GNAL: variants seen among roughly 807,000 people sequenced by gnomAD.
GNAL encodes the protein G protein subunit alpha L.
In GNAL, 18 loss-of-function variants were observed where a neutral mutation model predicts 55.1. The ratio of observed to expected loss-of-function variants is 0.33; its 90% CI spans 0.23 to 0.48. The LOEUF (loss-of-function observed/expected upper bound fraction) is 0.48. GNAL is among the 20% of genes least tolerant of loss of function. GNAL has a pLI of 0.99. For missense variants in GNAL, 412 were observed against 614.1 expected, an observed-to-expected ratio of 0.67 and a Z score of 3.48; for synonymous variants, 253 against 237.0, an observed-to-expected ratio of 1.07 and a Z score of -0.62.
Position 11,689,651 on chromosome 18 carries a change from G to C in GNAL, c.88G>C (p.Ala30Pro). Residue 30 changes from alanine to proline, a missense_variant, in exon 1 of 12, where the codon GCG becomes CCG. By Grantham distance (27) the Ala-to-Pro change is conservative. This residue lies in a region of GNAL where 228 missense variants were observed against 194.8 expected (regional missense o/e 1.17). Coordinates refer to ENST00000334049, the MANE Select transcript of GNAL (RefSeq NM_182978.4). ...GGCCTCGGAGCCGCCGGTGGAGGACGCGCAGCCCGCCCCGGCCCCGGCCCT... is the reference window on the plus strand; with the variant it reads ...GGCCTCGGAGCCGCCGGTGGAGGACCCGCAGCCCGCCCCGGCCCCGGCCCT... ...CAASEPPVED[A>P]QPAPAPALAP... is the part of the protein sequence containing the mutation. 1 of 1,399,430 alleles carries C rather than the reference G, an allele frequency of 7.1e-7. No homozygotes were observed. The highest frequency in any genetic ancestry group is 9.2e-7 in the Non-Finnish European group (1 of 1,084,256). The allele number at this position is 1,399,430 out of a possible 1,614,324, so 86.7% of individuals were successfully genotyped here.
chr18:11,716,116 G>C (rs2031957484), intron 1 of GNAL, among the ~76,000 whole-genome samples: 2 of 152,180 alleles, frequency 1.3e-5, no homozygotes, highest in Non-Finnish European at 2.9e-5. Context: ...CCTAAAAACA[G>C]AACTACCATT....
intron 1 of GNAL, among the ~76,000 whole-genome samples, chr18:11,698,490 CAAAAAAA>C (rs201762409): frequency 2.4e-3 from 208 of 88,404 alleles, no homozygotes; most frequent in Middle Eastern, 7.2e-3. Flanking sequence ...GACTCTGTCT[CAAAAAAA>C]AAAAAAAAAA....
chr18:11,712,980 C>G (rs559945631), intron 1 of GNAL, among the ~76,000 whole-genome samples: 75 of 152,342 alleles, frequency 4.9e-4, no homozygotes, highest in African/African-American at 1.8e-3. Context: ...AATGACCAGT[C>G]TCTGATGTCC....
intron 1 of GNAL, among the ~76,000 whole-genome samples, chr18:11,703,097 G>T (rs2031615421): frequency 6.6e-6 from 1 of 152,102 alleles, no homozygotes; most frequent in South Asian, 2.1e-4. Flanking sequence ...CAGCCTGGGC[G>T]ACAGAGCAAG....
intron 4 of GNAL, among the ~76,000 whole-genome samples, chr18:11,806,191 G>T (rs1393254482): frequency 6.6e-6 from 1 of 152,106 alleles, no homozygotes; most frequent in East Asian, 1.9e-4. Flanking sequence ...TTTTTAATGG[G>T]ATTATTTGGG....
intron 1 of GNAL, among the ~76,000 whole-genome samples, chr18:11,706,966 G>A (rs1020171074): frequency 3.9e-5 from 6 of 152,160 alleles, no homozygotes; most frequent in African/African-American, 1.4e-4. Context: ...TGAATCATGG[G>A]TGCTCATAAT....
At chr18:11,799,277 G>T (rs886258722) in intron 4 of GNAL, among the ~76,000 whole-genome samples, 1 of 152,130 alleles carries the variant, frequency 6.6e-6, no homozygotes. Flanking sequence ...CATGTCTCCA[G>T]CCCAGAAGCA....
At chr18:11,859,143 A>AT (rs1321184001) in intron 5 of GNAL, among the ~76,000 whole-genome samples, 1 of 152,112 alleles carries the variant, frequency 6.6e-6, no homozygotes, top group African/African-American at 2.4e-5. Context: ...TTCATATTTA[A>AT]TTTTCAGTTC....
At chr18:11,716,051 G>T (rs939536088) in intron 1 of GNAL, among the ~76,000 whole-genome samples, 1 of 152,184 alleles carries the variant, frequency 6.6e-6, no homozygotes, top group East Asian at 1.9e-4. Flanking sequence ...CACTGTTGGT[G>T]GGAGTGTAAA....
intron 1 of GNAL, among the ~76,000 whole-genome samples, chr18:11,690,826 A>G (rs1419528090): frequency 6.6e-6 from 1 of 151,716 alleles, no homozygotes; most frequent in Admixed American, 6.6e-5. Context: ...TCCATGGTGT[A>G]TATGTGCCAC....
chr18:11,746,295 T>G (rs2032686348), intron 1 of GNAL: 1 of 347,680 alleles, frequency 2.9e-6, no homozygotes, highest in South Asian at 2.4e-5. Flanking sequence ...AAGCTTTGGT[T>G]CCTTTTTAAC....
chr18:11,875,158 A>G (rs1435983535), intron 10 of GNAL, among the ~76,000 whole-genome samples: 1 of 152,086 alleles, frequency 6.6e-6, no homozygotes, highest in East Asian at 1.9e-4. Flanking sequence ...GTCTCAGAAG[A>G]GGAGGCTGAT....
rs1045369156 is a variant in GNAL, at chr18:11,788,315, C to T, written c.624+34370C>T. 2.6e-5 allele frequency among the ~76,000 whole-genome samples: 4 copies of T among 152,174 alleles called. No homozygotes were observed. In the South Asian group the frequency reaches 6.2e-4, roughly 24 times the overall value. Reference sequence around the variant, plus strand: ...GCACCAGGAGGTGTGGCAGTCACAACGCAACACCTAGTGTGGCTCTCAAGG... The same window carrying T: ...GCACCAGGAGGTGTGGCAGTCACAATGCAACACCTAGTGTGGCTCTCAAGG... On this transcript the variant is annotated intron_variant, in intron 4 of 11. Coordinates refer to ENST00000334049, the MANE Select transcript of GNAL (RefSeq NM_182978.4).
intron 4 of GNAL, among the ~76,000 whole-genome samples, chr18:11,773,823 T>C (rs1212596140): frequency 6.6e-6 from 1 of 152,150 alleles, no homozygotes; most frequent in Admixed American, 6.5e-5. Context: ...TATGATTATA[T>C]AAAAACAATC....
intron 4 of GNAL, among the ~76,000 whole-genome samples, chr18:11,766,401 G>A (rs188816501): frequency 3.9e-4 from 59 of 152,272 alleles, no homozygotes; most frequent in Admixed American, 1.4e-3. Flanking sequence ...TGTTTGGATA[G>A]GAAATATTTG....
chr18:11,788,914 A>AAAAAAAT (rs60071996), intron 4 of GNAL, among the ~76,000 whole-genome samples: 36 of 56,292 alleles, frequency 6.4e-4, no homozygotes, highest in African/African-American at 3.2e-3. Flanking sequence ...AAAAAAAAAA[A>AAAAAAAT]ATATATATAT....
In GNAL at chr18:11,751,019, T is replaced by C. The variant is rs1334747563; in HGVS notation, c.377-1834T>C. Among the ~76,000 whole-genome samples the C allele has an allele frequency of 6.6e-6, 1 of 151,992 alleles. No individual in the cohort carries two copies. Among genetic ancestry groups the C allele is most frequent in the East Asian group, 1.9e-4 (1 of 5,174 alleles). ...CGGGGCGGGCTGGGGTCTGTTCTCC[T>C]GAAGAAGGCCAGCTCCGCAGTGAAG... On this transcript the variant is annotated intron_variant, in intron 1 of 11. Coordinates refer to ENST00000334049, the MANE Select transcript of GNAL (RefSeq NM_182978.4). The surrounding 1 kb of genome is among the most constrained non-coding windows in gnomAD (Gnocchi z 4.5).
At chr18:11,780,542 G>C (rs976431417) in intron 4 of GNAL, among the ~76,000 whole-genome samples, 1 of 152,154 alleles carries the variant, frequency 6.6e-6, no homozygotes, top group Non-Finnish European at 1.5e-5. Flanking sequence ...TAAGTCCTCT[G>C]TCCAAGCAGT....
chr18:11,774,708 G>A (rs1248362652), intron 4 of GNAL, among the ~76,000 whole-genome samples: 1 of 152,160 alleles, frequency 6.6e-6, no homozygotes, highest in African/African-American at 2.4e-5. Context: ...TGACCCCAGA[G>A]CCTGTCCCCC....
Sources: allele counts gnomAD v4.1 joint callset (sites outside exome capture counted in the v4.1 genomes callset), GRCh38; gene constraint gnomAD v4.1.1; regional missense constraint gnomAD v4.1.1; non-coding constraint Gnocchi (gnomAD v3.1); transcripts MANE v1.5; gene names NCBI Gene and HGNC (gene_info 2026-07-23, HGNC 2026-07-21).